Variants in ANKRD62 observed in about 807,000 individuals in gnomAD.
The protein encoded by ANKRD62 is ankyrin repeat domain-containing protein 62.
In ANKRD62, 61 loss-of-function variants were observed where a neutral mutation model predicts 98.8. That is an observed-to-expected ratio of 0.62 (90% CI 0.50 to 0.76). The LOEUF (loss-of-function observed/expected upper bound fraction) is 0.76, where lower values mean the gene tolerates loss of function less well. Ranked by LOEUF, ANKRD62 falls within the 30% of genes least tolerant of loss-of-function variation. The pLI is 0.00. For missense variants in ANKRD62, 933 were observed against 1,082.9 expected (o/e 0.86, Z 1.94); for synonymous variants, 341 against 367.9 (o/e 0.93, Z 0.84).
intron 8 of ANKRD62, among the ~76,000 whole-genome samples, chr18:12,111,085 TA>T (rs1239738436): frequency 6.6e-6 from 1 of 151,824 alleles, no homozygotes; most frequent in Non-Finnish European, 1.5e-5. Context: ...CTGTCTCTAC[TA>T]AAAATACAAA....
chr18:12,163,447 T>G, the ANKRD62 span, among the ~76,000 whole-genome samples: 1 of 152,140 alleles, frequency 6.6e-6, no homozygotes, highest in Non-Finnish European at 1.5e-5. Flanking sequence ...GATCATATCA[T>G]CTACAAATAA....
chr18:12,122,360 A>G lies in ANKRD62; in HGVS notation c.1298A>G (p.Glu433Gly). The stretch of plus-strand genomic sequence containing the variant: ...ACAGCTGCATGTGGAAGATCAATAG[A>G]GGATCAAAAATGTTACTGTGAACGA... ...NATAACGRSI[E>G]DQKCYCERLK... The change falls in exon 11 of 14, where the codon GAG (glutamate) becomes GGG (glycine). Residue 433 changes from glutamate to glycine, a missense_variant. Coordinates refer to ENST00000587848, the MANE Select transcript of ANKRD62 (RefSeq NM_001277333.2). 1 of 1,535,720 alleles carries G rather than the reference A, an allele frequency of 6.5e-7. No individual in the cohort carries two copies. Among genetic ancestry groups the G allele is most frequent in the Non-Finnish European group, 8.7e-7 (1 of 1,146,734 alleles).
chr18:12,100,399 G>A (rs1272860430), intron 6 of ANKRD62, among the ~76,000 whole-genome samples: 1 of 152,158 alleles, frequency 6.6e-6, no homozygotes, highest in Non-Finnish European at 1.5e-5. Context: ...AGGAGGAGTA[G>A]GAGGTAGAGG....
At position 12,126,281 on chromosome 18, in the gene ANKRD62, T is replaced by G; in HGVS notation, c.2460T>G (p.Ala820=). ...KCEDTVEKLQ[A]ECRKLEENNK... ...AAGATACTGTAGAAAAACTTCAAGCTGAGTGTAGAAAGCTAGAAGAGAACA... is the reference window on the plus strand; with the variant it reads ...AAGATACTGTAGAAAAACTTCAAGCGGAGTGTAGAAAGCTAGAAGAGAACA... The change falls in exon 13 of 14, where the codon GCT becomes GCG. Residue 820 remains alanine (A), a synonymous_variant. Coordinates refer to ENST00000587848, the MANE Select transcript of ANKRD62 (RefSeq NM_001277333.2). The G allele has an allele frequency of 1.3e-6, 2 of 1,535,906 alleles. No individual in the cohort carries two copies. The highest frequency in any genetic ancestry group is 1.7e-6 in the Non-Finnish European group (2 of 1,146,772).
chr18:12,123,871 T>G (rs1909832066), intron 11 of ANKRD62, among the ~76,000 whole-genome samples: 1 of 152,242 alleles, frequency 6.6e-6, no homozygotes. Context: ...AATTTTTAAC[T>G]TGTAACTTTA....
the ANKRD62 span, among the ~76,000 whole-genome samples, chr18:12,137,422 T>C: frequency 6.6e-6 from 1 of 152,156 alleles, no homozygotes; most frequent in Non-Finnish European, 1.5e-5. Context: ...TGGATAAGCT[T>C]TTTGATGTGT....
chr18:12,158,945 A>C, the ANKRD62 span, among the ~76,000 whole-genome samples: 1 of 152,110 alleles, frequency 6.6e-6, no homozygotes, highest in Non-Finnish European at 1.5e-5. Flanking sequence ...TAAAGGTAAT[A>C]AGTGTATTTC....
intron 6 of ANKRD62, chr18:12,102,068 T>G: frequency 7.2e-7 from 1 of 1,391,972 alleles, no homozygotes; most frequent in South Asian, 1.2e-5. Context: ...CCAGCAAAGG[T>G]TAAAGCTGAA....
At chr18:12,179,180 A>G in the ANKRD62 span, among the ~76,000 whole-genome samples, 1 of 148,246 alleles carries the variant, frequency 6.7e-6, no homozygotes, top group African/African-American at 2.5e-5. Context: ...TGAGGAGTGA[A>G]TCAGAGAGGA....
downstream of ANKRD62, among the ~76,000 whole-genome samples, chr18:12,129,941 A>G (rs994696270): frequency 1.4e-4 from 21 of 152,160 alleles, no homozygotes; most frequent in Non-Finnish European, 2.8e-4. Context: ...TTTAGTTGCA[A>G]GAAATGCAGA....
At chr18:12,173,660 G>A in the ANKRD62 span, among the ~76,000 whole-genome samples, 8 of 152,152 alleles carry the variant, frequency 5.3e-5, no homozygotes, top group African/African-American at 9.7e-5. Context: ...GCTCTTATCA[G>A]GAGCTCTTGC....
At chr18:12,162,939 C>T in the ANKRD62 span, among the ~76,000 whole-genome samples, 2 of 152,002 alleles carry the variant, frequency 1.3e-5, no homozygotes, top group Non-Finnish European at 2.9e-5. Context: ...AGTTTGAGGT[C>T]AGGAAATGTG....
intron 7 of ANKRD62, among the ~76,000 whole-genome samples, chr18:12,104,247 C>T (rs556923730): frequency 6.6e-6 from 1 of 152,152 alleles, no homozygotes; most frequent in African/African-American, 2.4e-5. Context: ...TAGGCTTATG[C>T]AAACTATTTT....
intron 6 of ANKRD62, among the ~76,000 whole-genome samples, chr18:12,100,287 T>C (rs1290099759): frequency 1.3e-5 from 2 of 152,162 alleles, no homozygotes; most frequent in East Asian, 3.8e-4. Flanking sequence ...AAGAAGAAAC[T>C]TATAAAGAAA....
intron 7 of ANKRD62, 29 bp downstream of exon 7, chr18:12,103,257 G>A: frequency 7.8e-7 from 1 of 1,284,862 alleles, no homozygotes; most frequent in South Asian, 2.8e-5. Context: ...TCAAATTTCT[G>A]GTTTTCTTTG....
At chr18:12,172,182 G>T in the ANKRD62 span, among the ~76,000 whole-genome samples, 1 of 152,222 alleles carries the variant, frequency 6.6e-6, no homozygotes, top group Non-Finnish European at 1.5e-5. Flanking sequence ...TCCCTTGCTG[G>T]CGAGGAGCTG....
chr18:12,121,816 G>A (rs1369169950), intron 10 of ANKRD62, among the ~76,000 whole-genome samples: 2 of 152,116 alleles, frequency 1.3e-5, no homozygotes, highest in Admixed American at 1.3e-4. Flanking sequence ...GTTGTTTTTG[G>A]TTGTTTCAGG....
At chr18:12,177,804 C>T in the ANKRD62 span, among the ~76,000 whole-genome samples, 5 of 119,120 alleles carry the variant, frequency 4.2e-5, no homozygotes, top group African/African-American at 1.7e-4. Context: ...ACAGAAATTT[C>T]ATTGCACTGT....
chr18:12,137,498 T>A, the ANKRD62 span, among the ~76,000 whole-genome samples: 1 of 152,196 alleles, frequency 6.6e-6, no homozygotes, highest in East Asian at 1.9e-4. Flanking sequence ...AGGATATTGG[T>A]CTAAAATTCT....
Sources: gnomAD v4.1 joint callset for allele counts (sites outside exome capture counted in the v4.1 genomes callset) on GRCh38, gnomAD v4.1.1 for gene constraint, MANE v1.5 for transcripts, NCBI Gene and HGNC (gene_info 2026-07-23, HGNC 2026-07-21) for gene names.